UBALD2: variants seen among roughly 807,000 people sequenced by gnomAD.
UBALD2 encodes UBA like domain containing 2.
A neutral mutation model predicts 15.9 loss-of-function variants in UBALD2; 8 were observed. The observed-to-expected ratio is 0.50, with a 90% CI of 0.29 to 0.91. UBALD2 has a LOEUF of 0.91. UBALD2 is among the 40% of genes least tolerant of loss of function. UBALD2 has a pLI of 0.07. For missense variants in UBALD2, 178 were observed against 234.8 expected, an observed-to-expected ratio of 0.76 and a Z score of 1.58; for synonymous variants, 113 against 97.7, an observed-to-expected ratio of 1.16 and a Z score of -0.93.
At position 76,270,662 on chromosome 17, in the gene UBALD2, G is replaced by A; in HGVS notation, c.*157G>A. 1.5e-6 allele frequency: 1 copy of A among 681,296 alleles called. No individual in the cohort carries two copies. The highest frequency in any genetic ancestry group is 2.2e-6 in the Non-Finnish European group (1 of 448,864). 42.2% of individuals were successfully genotyped at this position (681,296 alleles called of 1,614,324 possible). On this transcript the variant is annotated 3_prime_UTR_variant, in exon 3 of 3. Coordinates refer to ENST00000327490, the MANE Select transcript of UBALD2 (RefSeq NM_182565.4). ...AGAATTTTTGTGGGTCGGGGGGACA[G>A]TAAACTTCCTGGGCCACGTGGGTCC...
intron 1 of UBALD2, 129 bp from the exon 2 acceptor site, chr17:76,265,778 G>C: frequency 7.0e-7 from 1 of 1,420,836 alleles, no homozygotes; most frequent in Non-Finnish European, 9.4e-7. Context: ...GCTCCCCTCT[G>C]CACGTGGGGC....
At position 76,265,547 on chromosome 17, in the gene UBALD2, C is replaced by T. The variant is rs1345029560; in HGVS notation, c.42C>T (p.Ile14=). ...ACGAGCTGCGGCACCAGGTCATGAT[C>T]AACCAGTTCGTGCTGGCCGCGGGCT... ...NMDELRHQVM[I]NQFVLAAGCA... is the part of the protein sequence containing the mutation. Residue 14 remains isoleucine (I), a synonymous_variant, in exon 1 of 3, where the codon ATC becomes ATT. Coordinates refer to ENST00000327490, the MANE Select transcript of UBALD2 (RefSeq NM_182565.4). 1 of 1,337,210 alleles carries T rather than the reference C, an allele frequency of 7.5e-7. No homozygotes were observed. The allele number at this position is 1,337,210 out of a possible 1,614,324, so 82.8% of individuals were successfully genotyped here.
Position 76,269,999 on chromosome 17 carries a change from G to A in UBALD2, c.184-195G>A, listed in dbSNP as rs138813802. Among the ~76,000 whole-genome samples the A allele has an allele frequency of 6.6e-3, 1,004 of 152,324 alleles. 16 individuals carry two copies. Among genetic ancestry groups the A allele is most frequent in the African/African-American group, 0.023 (957 of 41,570 alleles). On this transcript the variant is annotated intron_variant, in intron 2 of 2. Transcript: ENST00000327490. The surrounding 1 kb of genome is among the most constrained non-coding windows in gnomAD (Gnocchi z 4.6). ...CATGAAACCCCGTTGGTTTTGATAA[G>A]GTTCTTGGGTTTTGTCCTTGTTTTC...
At chr17:76,265,863 T>C in intron 1 of UBALD2, 44 bp from the exon 2 acceptor site, 1 of 1,576,944 alleles carries the variant, frequency 6.3e-7, no homozygotes, top group Non-Finnish European at 8.6e-7. Context: ...CTGCGTTTCC[T>C]GACTCCGCCT....
Position 76,270,270 on chromosome 17 carries a change from C to T in UBALD2, c.260C>T (p.Ala87Val). Residue 87 changes from alanine to valine, a missense_variant, in exon 3 of 3, where the codon GCC (alanine) becomes GTC (valine). Physicochemically the swap from Ala to Val is moderately conservative, Grantham distance 64. Coordinates refer to ENST00000327490, the MANE Select transcript of UBALD2 (RefSeq NM_182565.4). Reference sequence around the variant, plus strand: ...CTGGCCATGTTCTCCAAGCTCCGCGCCTCCGAGGGCCTGCAGAGCAGCAAC... The same window carrying T: ...CTGGCCATGTTCTCCAAGCTCCGCGTCTCCGAGGGCCTGCAGAGCAGCAAC... ...DALAMFSKLR[A>V]SEGLQSSNSP... 1 of 1,612,178 alleles carries T rather than the reference C, an allele frequency of 6.2e-7. No homozygotes were observed.
chr17:76,266,708 G>GC (rs1350820939), intron 2 of UBALD2, among the ~76,000 whole-genome samples: 1 of 152,118 alleles, frequency 6.6e-6, no homozygotes, highest in African/African-American at 2.4e-5. Context: ...CCAAGCTTTT[G>GC]CCCTCCTGGC....
At chr17:76,267,509 T>TTTTC (rs1318326061) in intron 2 of UBALD2, among the ~76,000 whole-genome samples, 1 of 149,880 alleles carries the variant, frequency 6.7e-6, no homozygotes, top group African/African-American at 2.5e-5. Flanking sequence ...TTTTTTTTTT[T>TTTTC]TTCTAATTTT....
At chr17:76,268,491 G>C (rs952386826) in intron 2 of UBALD2, among the ~76,000 whole-genome samples, 1 of 142,628 alleles carries the variant, frequency 7.0e-6, no homozygotes, top group Non-Finnish European at 1.6e-5. Context: ...CAGAGGGTGG[G>C]GGGGGGGCAG....
intron 2 of UBALD2, 31 bp from the exon 3 acceptor site, chr17:76,270,163 A>T (rs2070575068): frequency 6.2e-7 from 1 of 1,603,920 alleles, no homozygotes; most frequent in African/African-American, 1.3e-5. Flanking sequence ...CCCCCGAGGC[A>T]GCCTCCCCAC....
chr17:76,270,548 C>CAGGGTTGT lies in UBALD2; in HGVS notation c.*44_*51dup, dbSNP rs1406562607. On this transcript the variant is annotated 3_prime_UTR_variant, in exon 3 of 3. Coordinates refer to ENST00000327490, the MANE Select transcript of UBALD2 (RefSeq NM_182565.4). ...CGCTGGGCTGGAGCTGGGGGCAGCC[C>CAGGGTTGT]AGGGTTGTGGGGACACAGGAGGGCC... 12 of 1,417,392 alleles carry CAGGGTTGT rather than the reference C, an allele frequency of 8.5e-6. No individual in the cohort carries two copies. The South Asian group carries it at 1.8e-4, about 22-fold the overall frequency. 87.8% of individuals were successfully genotyped at this position (1,417,392 alleles called of 1,614,324 possible).
At chr17:76,266,141 G>C (rs1222926551) in intron 2 of UBALD2, among the ~76,000 whole-genome samples, 172 bp downstream of exon 2, 1 of 152,222 alleles carries the variant, frequency 6.6e-6, no homozygotes, top group Non-Finnish European at 1.5e-5. Flanking sequence ...CCCGCCTCCC[G>C]GGCTGCTGCT....
At position 76,265,515 on chromosome 17, in the gene UBALD2, A is replaced by G; in HGVS notation, c.10A>G (p.Asn4Asp). The G allele has an allele frequency of 7.8e-7, 1 of 1,277,876 alleles. No homozygotes were observed. Among genetic ancestry groups the G allele is most frequent in the Non-Finnish European group, 1.0e-6 (1 of 987,942 alleles). The allele number at this position is 1,277,876 out of a possible 1,614,324, so 79.2% of individuals were successfully genotyped here. Residue 4 changes from asparagine (N) to aspartate (D), a missense_variant, in exon 1 of 3, where the codon AAC becomes GAC. Asn to Asp is a conservative substitution (Grantham distance 23). Transcript: ENST00000327490. ...CGCGCCGCGCCGCGCCATGTCGGTG[A>G]ACATGGACGAGCTGCGGCACCAGGT... is the stretch of plus-strand genomic sequence containing the variant. MSV[N>D]MDELRHQVMI...
chr17:76,266,873 C>T (rs2070549556), intron 2 of UBALD2, among the ~76,000 whole-genome samples: 1 of 152,076 alleles, frequency 6.6e-6, no homozygotes, highest in Non-Finnish European at 1.5e-5. Context: ...ACTCTAGGTG[C>T]ATTTTTGGGA....
Position 76,265,890 on chromosome 17 carries a change from G to A in UBALD2, c.121-17G>A, listed in dbSNP as rs370541437. The A allele has an allele frequency of 5.6e-6, 9 of 1,600,060 alleles. No individual in the cohort carries two copies. The African/African-American group carries it at 1.1e-4, about 19-fold the overall frequency. On this transcript the variant is annotated splice_polypyrimidine_tract_variant and intron_variant, in intron 1 of 2. Coordinates refer to ENST00000327490, the MANE Select transcript of UBALD2 (RefSeq NM_182565.4). ...ACTCCGCCTGGCCCGCCGTGTCACT[G>A]CCCTGTTTGTCCGCAGACCGCGCTG...
chr17:76,267,840 G>A (rs1425830620), intron 2 of UBALD2, among the ~76,000 whole-genome samples: 1 of 151,776 alleles, frequency 6.6e-6, no homozygotes, highest in African/African-American at 2.4e-5. Flanking sequence ...TGTATTTTTA[G>A]TAGAGACGGG....
intron 2 of UBALD2, among the ~76,000 whole-genome samples, chr17:76,266,796 G>A (rs912180405): frequency 1.6e-4 from 25 of 152,126 alleles, no homozygotes; most frequent in African/African-American, 6.0e-4. Context: ...TAGCCCTGCT[G>A]GGGGAGGAGG....
rs1445794731 is a variant in UBALD2, at chr17:76,270,313, A to G, written c.303A>G (p.Ala101=). ...GCAGCAACAGCCCCATGACAGCCGC[A>G]GCCTGCTCCCCACCTGCAAACTTCA... ...LQSSNSPMTA[A]ACSPPANFSP... is the part of the protein sequence containing the mutation. Residue 101 remains alanine, a synonymous_variant, in exon 3 of 3, where the codon GCA becomes GCG. Transcript: ENST00000327490. 6.2e-7 allele frequency: 1 copy of G among 1,609,364 alleles called. No individual in the cohort carries two copies. The highest frequency in any genetic ancestry group is 8.5e-7 in the Non-Finnish European group (1 of 1,179,408).
chr17:76,270,185 C>G lies in UBALD2; in HGVS notation c.184-9C>G. The G allele has an allele frequency of 1.2e-6, 2 of 1,611,746 alleles. No homozygotes were observed. The highest frequency in any genetic ancestry group is 1.7e-4 in the Middle Eastern group (1 of 6,054). ...GGCAGCCTCCCCACACCCGTGTTCT[C>G]TCCCGCAGATGTGCACTCCCAGCAA... On this transcript the variant is annotated splice_polypyrimidine_tract_variant and intron_variant, in intron 2 of 2. Coordinates refer to ENST00000327490, the MANE Select transcript of UBALD2 (RefSeq NM_182565.4).
At chr17:76,266,406 C>T (rs553865977) in intron 2 of UBALD2, among the ~76,000 whole-genome samples, 2 of 147,784 alleles carry the variant, frequency 1.4e-5, no homozygotes, top group African/African-American at 5.4e-5. Flanking sequence ...GGTTTCCCCC[C>T]TCCCCCTCCA....
Sources: gnomAD v4.1 joint callset for allele counts (sites outside exome capture counted in the v4.1 genomes callset) on GRCh38, gnomAD v4.1.1 for gene constraint, Gnocchi (gnomAD v3.1) non-coding constraint, MANE v1.5 for transcripts, NCBI Gene and HGNC (gene_info 2026-07-23, HGNC 2026-07-21) for gene names.